Variants in BCL7A observed in about 807,000 individuals in gnomAD.
The protein encoded by BCL7A is B-cell CLL/lymphoma 7 protein family member A.
A neutral mutation model predicts 28.4 loss-of-function variants in BCL7A; 11 were observed. The ratio of observed to expected loss-of-function variants is 0.39; its 90% confidence interval spans 0.24 to 0.64. BCL7A has a LOEUF of 0.64. Ranked by LOEUF, BCL7A falls within the 30% of genes least tolerant of loss-of-function variation. The pLI is 0.50. For missense variants in BCL7A, 222 were observed against 274.8 expected (o/e 0.81, Z 1.36); for synonymous variants, 123 against 103.3 (o/e 1.19, Z -1.15).
chr12:122,026,510 A>G (rs1314662064), intron 1 of BCL7A, among the ~76,000 whole-genome samples: 4 of 152,212 alleles, frequency 2.6e-5, no homozygotes, highest in African/African-American at 7.2e-5. Context: ...GGTTCCCTCA[A>G]TGACTTGCTG....
chr12:122,027,880 G>A (rs75923823), intron 1 of BCL7A, among the ~76,000 whole-genome samples: 4,063 of 152,220 alleles, frequency 0.027, 215 homozygotes, highest in East Asian at 0.22. Flanking sequence ...GATGAGTATA[G>A]CTTAATACCC....
intron 1 of BCL7A, 131 bp downstream of exon 1, chr12:122,022,314 G>A (rs2135833008): frequency 5.1e-6 from 2 of 395,788 alleles, no homozygotes; most frequent in South Asian, 1.0e-4. Flanking sequence ...CCGGGACTTG[G>A]CGAGGGCGGG....
intron 1 of BCL7A, among the ~76,000 whole-genome samples, chr12:122,025,629 A>AAT (rs2135838011): frequency 6.7e-6 from 1 of 150,280 alleles, no homozygotes; most frequent in East Asian, 2.0e-4. Context: ...TCCATCTCAA[A>AAT]AAAAAAAAAG....
intron 3 of BCL7A, among the ~76,000 whole-genome samples, chr12:122,040,085 G>A (rs958494509): frequency 3.3e-5 from 5 of 152,140 alleles, no homozygotes; most frequent in East Asian, 1.9e-4. Context: ...TGCTAAGCCC[G>A]TTACATCATT....
chr12:122,045,047 G>C (rs907796685), intron 4 of BCL7A, among the ~76,000 whole-genome samples: 5 of 152,066 alleles, frequency 3.3e-5, no homozygotes, highest in African/African-American at 9.7e-5. Context: ...TCTGGGAGGA[G>C]AGCAGTGTGG....
chr12:122,035,352 G>C lies in BCL7A; in HGVS notation c.196G>C (p.Gly66Arg). The change falls in exon 3 of 6, where the codon GGC becomes CGC. Residue 66 changes from glycine (G) to arginine (R), a missense_variant. Around this residue, in one of 2 missense-constraint regions of BCL7A, gnomAD observed 67 missense variants for 129.1 expected, o/e 0.52. Transcript: ENST00000261822. ...GCAGAAAAACAAGAATAAGAAAAAAGGCAAGGACGAGAAGTGTGGCTCAGA... is the reference window on the plus strand; with the variant it reads ...GCAGAAAAACAAGAATAAGAAAAAACGCAAGGACGAGAAGTGTGGCTCAGA... ...VDDKNKNKKK[G>R]KDEKCGSEVT... 6.2e-7 allele frequency: 1 copy of C among 1,614,074 alleles called. No homozygotes were observed. The highest frequency in any genetic ancestry group is 8.5e-7 in the Non-Finnish European group (1 of 1,179,962).
intron 4 of BCL7A, among the ~76,000 whole-genome samples, chr12:122,052,485 C>T (rs576990771): frequency 2.6e-5 from 4 of 152,172 alleles, no homozygotes; most frequent in Non-Finnish European, 4.4e-5. Context: ...TGCACCCAGC[C>T]GCAATCATTC....
At chr12:122,040,480 CA>C (rs1410538095) in intron 3 of BCL7A, among the ~76,000 whole-genome samples, 1 of 142,836 alleles carries the variant, frequency 7.0e-6, no homozygotes, top group East Asian at 2.1e-4. Context: ...TGCAGTGAGC[CA>C]AGATTGCACC....
intron 5 of BCL7A, among the ~76,000 whole-genome samples, chr12:122,057,258 C>A (rs1432774379): frequency 6.6e-6 from 1 of 152,176 alleles, no homozygotes; most frequent in Non-Finnish European, 1.5e-5. Context: ...AGACAGGAGC[C>A]AGCTTGAAGA....
At chr12:122,022,559 G>T (rs567598319) in intron 1 of BCL7A, among the ~76,000 whole-genome samples, 3 of 145,894 alleles carry the variant, frequency 2.1e-5, no homozygotes, top group East Asian at 2.0e-4. Context: ...CATGAAAGCG[G>T]CTTCCCGCGC....
intron 5 of BCL7A, 133 bp downstream of exon 5, chr12:122,055,059 C>A: frequency 6.4e-7 from 1 of 1,553,740 alleles, no homozygotes; most frequent in Non-Finnish European, 8.8e-7. Context: ...TGTCATTTGT[C>A]CATTGGGCTA....
chr12:122,022,766 G>C lies in BCL7A; in HGVS notation c.92+583G>C, dbSNP rs553258231. Among the ~76,000 whole-genome samples, 249 of 151,194 alleles carry C rather than the reference G, an allele frequency of 1.6e-3. 2 individuals are homozygous for C. Among genetic ancestry groups the C allele is most frequent in the African/African-American group, 5.9e-3 (245 of 41,428 alleles). Reference sequence around the variant, plus strand: ...CGAGTCTGCGGAGTTTGCAGAGCGCGAGCCGTTTAAATTTAGCGCTTTGGG... The same window carrying C: ...CGAGTCTGCGGAGTTTGCAGAGCGCCAGCCGTTTAAATTTAGCGCTTTGGG... On this transcript the variant is annotated intron_variant, in intron 1 of 5. Coordinates refer to ENST00000261822, the MANE Select transcript of BCL7A (RefSeq NM_001024808.3).
chr12:122,045,327 G>A (rs754995660), intron 4 of BCL7A, among the ~76,000 whole-genome samples: 6 of 152,160 alleles, frequency 3.9e-5, no homozygotes, highest in Non-Finnish European at 5.9e-5. Flanking sequence ...GTTGCAGTGA[G>A]CCGAAATTGT....
At chr12:122,056,884 G>A (rs1342126145) in intron 5 of BCL7A, among the ~76,000 whole-genome samples, 1 of 152,144 alleles carries the variant, frequency 6.6e-6, no homozygotes, top group Non-Finnish European at 1.5e-5. Context: ...TGCTCCCAGG[G>A]TCCCCCAGAA....
intron 3 of BCL7A, among the ~76,000 whole-genome samples, chr12:122,036,201 C>T (rs552935876): frequency 1.1e-4 from 16 of 152,198 alleles, no homozygotes; most frequent in South Asian, 8.3e-4. Context: ...TGCCCTTCCA[C>T]GTCTACACCT....
intron 4 of BCL7A, among the ~76,000 whole-genome samples, chr12:122,052,392 T>C (rs1884209567): frequency 6.6e-6 from 1 of 152,136 alleles, no homozygotes; most frequent in African/African-American, 2.4e-5. Flanking sequence ...AGTGAATAAT[T>C]CACTGACAGT....
At chr12:122,036,946 C>T (rs143781142) in intron 3 of BCL7A, among the ~76,000 whole-genome samples, 25 of 152,196 alleles carry the variant, frequency 1.6e-4, no homozygotes, top group African/African-American at 2.4e-4. Flanking sequence ...TGGTCTCGAA[C>T]GCCCGCCTTG....
chr12:122,039,018 A>C (rs1023465948), intron 3 of BCL7A, among the ~76,000 whole-genome samples: 1 of 151,970 alleles, frequency 6.6e-6, no homozygotes, highest in African/African-American at 2.4e-5. Context: ...CTACAAAAAA[A>C]ACAATAGGTG....
At chr12:122,052,992 T>G (rs1173068283) in intron 4 of BCL7A, among the ~76,000 whole-genome samples, 12 of 148,524 alleles carry the variant, frequency 8.1e-5, no homozygotes. Context: ...GCCTAGCCTG[T>G]TTTTGTTGTT....
Sources: gnomAD v4.1 joint callset for allele counts (sites outside exome capture counted in the v4.1 genomes callset) on GRCh38, gnomAD v4.1.1 for gene constraint, gnomAD v4.1.1 regional missense constraint, MANE v1.5 for transcripts, NCBI Gene and HGNC (gene_info 2026-07-23, HGNC 2026-07-21) for gene names.